EYS: variants seen among roughly 807,000 people sequenced by gnomAD.
EYS encodes EGF-like photoreceptor maintenance factor, also known as protein eyes shut homolog.
A neutral mutation model predicts 282.1 loss-of-function variants in EYS; 250 were observed. The observed-to-expected ratio is 0.89, with a 90% CI of 0.80 to 0.98. The LOEUF (loss-of-function observed/expected upper bound fraction) is 0.98, where lower values mean the gene tolerates loss of function less well. EYS is among the 50% of genes least tolerant of loss of function. The probability of loss-of-function intolerance (pLI) is 0.00; values close to 1 mark genes in which losing one functional copy is unlikely to be tolerated. For synonymous variants in EYS, 1,355 were observed against 1,282.9 expected (o/e 1.06, Z -1.20); for missense variants, 4,016 against 3,709.0 (o/e 1.08, Z -2.15).
intron 5 of EYS, among the ~76,000 whole-genome samples, chr6:65,443,106 T>C (rs1285617995): frequency 6.6e-6 from 1 of 151,254 alleles, no homozygotes; most frequent in Non-Finnish European, 1.5e-5. Context: ...TGCATATACA[T>C]ATATGTGGAT....
At chr6:64,523,758 A>G (rs1777831419) in intron 26 of EYS, among the ~76,000 whole-genome samples, 1 of 151,718 alleles carries the variant, frequency 6.6e-6, no homozygotes, top group Non-Finnish European at 1.5e-5. Flanking sequence ...ATGAATATCC[A>G]AAATTCAGAT....
intron 30 of EYS, among the ~76,000 whole-genome samples, chr6:64,260,906 A>G: frequency 6.6e-6 from 1 of 151,946 alleles, no homozygotes; most frequent in Non-Finnish European, 1.5e-5. Context: ...CTGTGGATAC[A>G]TAATAGGTAT....
chr6:65,598,953 T>C (rs894195413), intron 2 of EYS, among the ~76,000 whole-genome samples: 4 of 152,026 alleles, frequency 2.6e-5, no homozygotes, highest in Non-Finnish European at 5.9e-5. Context: ...TTAGAACAGG[T>C]GTGTGGTGTA....
intron 36 of EYS, among the ~76,000 whole-genome samples, chr6:63,818,688 T>G (rs1305488121): frequency 6.6e-6 from 1 of 152,232 alleles, no homozygotes; most frequent in Non-Finnish European, 1.5e-5. Flanking sequence ...ACCACACTCC[T>G]GTCCTAATTG....
chr6:65,394,533 C>A (rs1348470667), intron 7 of EYS, among the ~76,000 whole-genome samples: 2 of 152,202 alleles, frequency 1.3e-5, no homozygotes, highest in South Asian at 2.1e-4. Context: ...TGTAGCACTG[C>A]CTTTGGAGAA....
chr6:64,776,568 G>A (rs1041297944), intron 22 of EYS, among the ~76,000 whole-genome samples: 1 of 151,834 alleles, frequency 6.6e-6, no homozygotes, highest in Non-Finnish European at 1.5e-5. Context: ...ACTGCTCTTT[G>A]TGTGTAGTTA....
intron 19 of EYS, among the ~76,000 whole-genome samples, chr6:64,872,175 G>C (rs1163823150): frequency 6.6e-6 from 1 of 151,966 alleles, no homozygotes; most frequent in African/African-American, 2.4e-5. Flanking sequence ...TCTCAAGGAG[G>C]TAATGACTCC....
intron 31 of EYS, among the ~76,000 whole-genome samples, chr6:64,197,632 A>AT (rs762941655): frequency 9.9e-5 from 15 of 151,956 alleles, no homozygotes; most frequent in African/African-American, 2.4e-4. Context: ...GCTTGCTGCT[A>AT]TTTTTTTATT....
At chr6:64,408,438 C>T (rs1027540459) in intron 28 of EYS, among the ~76,000 whole-genome samples, 5 of 152,008 alleles carry the variant, frequency 3.3e-5, no homozygotes, top group African/African-American at 4.8e-5. Context: ...TTTTTAAGTA[C>T]GCTGGTACAT....
At chr6:65,459,929 A>C (rs1388252455) in intron 5 of EYS, among the ~76,000 whole-genome samples, 1 of 137,118 alleles carries the variant, frequency 7.3e-6, no homozygotes, top group Non-Finnish European at 1.6e-5. Context: ...ATTTTTCCAT[A>C]CTTTTTCTGG....
chr6:64,886,910 T>C (rs1767109074), intron 18 of EYS, 68 bp from the exon 19 acceptor site: 1 of 897,508 alleles, frequency 1.1e-6, no homozygotes, highest in Non-Finnish European at 1.6e-6. Context: ...ATATGATTCA[T>C]ATTTATATTT....
At chr6:65,418,246 C>A (rs921123252) in intron 5 of EYS, among the ~76,000 whole-genome samples, 4 of 152,012 alleles carry the variant, frequency 2.6e-5, no homozygotes, top group African/African-American at 9.7e-5. Flanking sequence ...TTTTGAGCAA[C>A]ACAATCAAAA....
intron 14 of EYS, among the ~76,000 whole-genome samples, chr6:64,963,144 G>T (rs574354023): frequency 1.3e-5 from 2 of 152,236 alleles, no homozygotes; most frequent in Admixed American, 1.3e-4. Context: ...GTAAGCTAGT[G>T]TTCTGATTAG....
chr6:65,525,903 G>A (rs2127302160), intron 2 of EYS, among the ~76,000 whole-genome samples: 1 of 152,248 alleles, frequency 6.6e-6, no homozygotes, highest in East Asian at 1.9e-4. Flanking sequence ...TGTCTTAAAT[G>A]TTCTAGTAAT....
intron 12 of EYS, among the ~76,000 whole-genome samples, chr6:65,216,165 G>A (rs527846489): frequency 1.0e-3 from 155 of 152,066 alleles, no homozygotes; most frequent in Middle Eastern, 3.4e-3. Context: ...AAGGACAAAA[G>A]CAAATATTAT....
chr6:64,359,826 C>T (rs1286267813), intron 29 of EYS, among the ~76,000 whole-genome samples: 1 of 151,614 alleles, frequency 6.6e-6, no homozygotes, highest in Non-Finnish European at 1.5e-5. Context: ...TCCCCATTTC[C>T]AAATACAGTC....
At chr6:63,940,587 A>G (rs565157426) in intron 35 of EYS, among the ~76,000 whole-genome samples, 91 of 152,286 alleles carry the variant, frequency 6.0e-4, no homozygotes, top group African/African-American at 2.1e-3. Context: ...AAACATCAGG[A>G]TAACAGGAGG....
intron 12 of EYS, among the ~76,000 whole-genome samples, chr6:65,217,984 T>C (rs942898593): frequency 6.6e-6 from 1 of 152,078 alleles, no homozygotes. Flanking sequence ...ATTGTCTCCA[T>C]TGAGAGATCT....
chr6:64,124,994 A>G (rs1422527559), intron 31 of EYS, among the ~76,000 whole-genome samples: 1 of 152,196 alleles, frequency 6.6e-6, no homozygotes, highest in Non-Finnish European at 1.5e-5. Context: ...TTTCTTCCAG[A>G]AAGTGATTAA....
Sources: gnomAD v4.1 joint callset for allele counts (sites outside exome capture counted in the v4.1 genomes callset) on GRCh38, gnomAD v4.1.1 for gene constraint, MANE v1.5 for transcripts, NCBI Gene and HGNC (gene_info 2026-07-23, HGNC 2026-07-21) for gene names.